Variants in CUL9 observed in about 807,000 individuals in gnomAD.
CUL9 encodes cullin-9.
In CUL9, 79 loss-of-function variants were observed where a neutral mutation model predicts 272.6. The observed-to-expected ratio is 0.29, with a 90% CI of 0.24 to 0.35. The LOEUF (loss-of-function observed/expected upper bound fraction) is 0.35, where lower values mean the gene tolerates loss of function less well. Ranked by LOEUF, CUL9 falls within the 10% of genes least tolerant of loss-of-function variation. CUL9 has a pLI of 1.00. For missense variants in CUL9, 2,532 were observed against 3,255.6 expected, an observed-to-expected ratio of 0.78 and a Z score of 5.41; for synonymous variants, 1,186 against 1,286.5, an observed-to-expected ratio of 0.92 and a Z score of 1.67.
At chr6:43,185,379 A>G in intron 2 of CUL9, 77 bp from the exon 3 acceptor site, 1 of 1,491,214 alleles carries the variant, frequency 6.7e-7, no homozygotes, top group Non-Finnish European at 9.2e-7. Context: ...CGTCTGGGGT[A>G]GGAGATAGAA....
At position 43,221,230 on chromosome 6, in the gene CUL9, G is replaced by T. The variant is rs778262990; in HGVS notation, c.6661G>T (p.Val2221Leu). ...DDGGYYDGMS[V>L]EAQSKHLAKL... ...CGGTGGCTACTATGACGGCATGAGC[G>T]TGGAGGCGCAGAGCAAGCACCTGGC... The change falls in exon 34 of 41, where the codon GTG becomes TTG. Residue 2221 changes from valine to leucine, a missense_variant. Val to Leu is a conservative substitution (Grantham distance 32). This residue lies in a region of CUL9 where 77 missense variants were observed against 161.1 expected (regional missense o/e 0.48). Transcript: ENST00000252050. This position sits in a 1 kb window ranked among gnomAD's most constrained non-coding sequence, Gnocchi z 4.2. The T allele has an allele frequency of 2.5e-6, 4 of 1,611,868 alleles. No individual in the cohort carries two copies. Among genetic ancestry groups the T allele is most frequent in the Non-Finnish European group, 8.5e-7 (1 of 1,179,972 alleles).
chr6:43,204,426 G>A lies in CUL9; in HGVS notation c.4226G>A (p.Arg1409Gln), dbSNP rs756545969. ...DQYLEQRETS[R>Q]NPLSRAASFA... ...TACTTAGAACAGAGAGAGACCTCTC[G>A]GAACCCCTTGAGTCGAGCAGCGTCC... is the stretch of plus-strand genomic sequence containing the variant. The change falls in exon 21 of 41, where the codon CGG becomes CAG. Residue 1409 changes from arginine to glutamine, a missense_variant. By Grantham distance (43) the Arg-to-Gln change is conservative. Around this residue, in one of 3 missense-constraint regions of CUL9, gnomAD observed 2,218 missense variants for 2,788.6 expected, o/e 0.80. Transcript: ENST00000252050. The A allele has an allele frequency of 1.5e-5, 25 of 1,614,032 alleles. No individual in the cohort carries two copies. In the East Asian group the frequency reaches 3.1e-4, roughly 20 times the overall value.
rs191863662 is a variant in CUL9, at chr6:43,221,389, G to A, written c.6752+68G>A. On this transcript the variant is annotated intron_variant, in intron 34 of 40. Coordinates refer to ENST00000252050, the MANE Select transcript of CUL9 (RefSeq NM_015089.4). The surrounding 1 kb of genome is among the most constrained non-coding windows in gnomAD (Gnocchi z 4.2). Reference sequence around the variant, plus strand: ...GGGAGGAGGCCTGGCAGAAGGAGGGGGGAACGGGCTTAGTGTAAAGCTCAG... The same window carrying A: ...GGGAGGAGGCCTGGCAGAAGGAGGGAGGAACGGGCTTAGTGTAAAGCTCAG... 680 of 1,211,282 alleles carry A rather than the reference G, an allele frequency of 5.6e-4. 7 individuals carry two copies. The African/African-American group carries it at 8.9e-3, about 16-fold the overall frequency. The allele number at this position is 1,211,282 out of a possible 1,614,324, so 75.0% of individuals were successfully genotyped here. A position where few individuals can be genotyped will look rare whatever the true frequency, so the allele number is the denominator to read the frequency against.
At position 43,222,622 on chromosome 6, in the gene CUL9, G is replaced by C. The variant is rs776345731; in HGVS notation, c.7013G>C (p.Gly2338Ala). Reference sequence around the variant, plus strand: ...ACCTTCCTCAATGATGCCTGCCAGGGACTGGAGCAGGCTCGGAAGGTGGTA... The same window carrying C: ...ACCTTCCTCAATGATGCCTGCCAGGCACTGGAGCAGGCTCGGAAGGTGGTA... ...SFTFLNDACQGLEQARKVLAY... is the reference protein window; with the variant it reads ...SFTFLNDACQALEQARKVLAY... Residue 2338 changes from glycine (G) to alanine (A), a missense_variant, in exon 37 of 41, where the codon GGA becomes GCA. By Grantham distance (60) the Gly-to-Ala change is moderately conservative. Coordinates refer to ENST00000252050, the MANE Select transcript of CUL9 (RefSeq NM_015089.4). 8 of 1,612,568 alleles carry C rather than the reference G, an allele frequency of 5.0e-6. No individual in the cohort carries two copies. In the Admixed American group the frequency reaches 1.3e-4, roughly 27 times the overall value.
Position 43,213,895 on chromosome 6 carries a change from G to C in CUL9, c.5671G>C (p.Asp1891His). 6.2e-7 allele frequency: 1 copy of C among 1,614,076 alleles called. No individual in the cohort carries two copies. Among genetic ancestry groups the C allele is most frequent in the South Asian group, 1.1e-5 (1 of 91,084 alleles). Residue 1891 changes from aspartate (D) to histidine (H), a missense_variant, in exon 29 of 41, where the codon GAT becomes CAT. By Grantham distance (81) the Asp-to-His change is moderately conservative. Around this residue, in one of 3 missense-constraint regions of CUL9, gnomAD observed 2,218 missense variants for 2,788.6 expected, o/e 0.80. Transcript: ENST00000252050. The surrounding 1 kb of genome is among the most constrained non-coding windows in gnomAD (Gnocchi z 5.7). Reference protein sequence around the residue: ...KAHGEKGLHIDQLVCLVLEAW... With the variant: ...KAHGEKGLHIHQLVCLVLEAW... ...CCATGGGGAAAAGGGCCTCCACATT[G>C]ATCAGCTGGTTTGTCTGGTAGGCAG...
At position 43,184,494 on chromosome 6, in the gene CUL9, C is replaced by T. The variant is rs1476047687; in HGVS notation, c.184C>T (p.His62Tyr). The T allele has an allele frequency of 1.4e-5, 23 of 1,612,804 alleles. No homozygotes were observed. Among genetic ancestry groups the T allele is most frequent in the African/African-American group, 2.7e-5 (2 of 74,908 alleles). The change falls in exon 2 of 41, where the codon CAC becomes TAC. Residue 62 changes from histidine to tyrosine, a missense_variant. Physicochemically the swap from His to Tyr is moderately conservative, Grantham distance 83. Around this residue, in one of 3 missense-constraint regions of CUL9, gnomAD observed 2,218 missense variants for 2,788.6 expected, o/e 0.80. Coordinates refer to ENST00000252050, the MANE Select transcript of CUL9 (RefSeq NM_015089.4). The surrounding 1 kb of genome is among the most constrained non-coding windows in gnomAD (Gnocchi z 4.8). ...GGGTGTGGAAGAAGGCAAAGCAGAG[C>T]ACATCCTCATGTGGCTGTCGGCTCC... ...KVGVEEGKAE[H>Y]ILMWLSAPEV... is the part of the protein sequence containing the mutation.
At chr6:43,189,875 A>G (rs1674902827) in intron 8 of CUL9, among the ~76,000 whole-genome samples, 1 of 152,238 alleles carries the variant, frequency 6.6e-6, no homozygotes, top group Non-Finnish European at 1.5e-5. Context: ...AAAAGGACAT[A>G]GGAGGGCCAA....
At position 43,224,442 on chromosome 6, in the gene CUL9, C is replaced by T. The variant is rs773788964; in HGVS notation, c.7551C>T (p.Asp2517=). 6.2e-6 allele frequency: 10 copies of T among 1,612,796 alleles called. No individual in the cohort carries two copies. Among genetic ancestry groups the T allele is most frequent in the Non-Finnish European group, 8.5e-6 (10 of 1,179,422 alleles). The change falls in exon 41 of 41, where the codon GAC becomes GAT. Residue 2517 remains aspartate, a synonymous_variant. Transcript: ENST00000252050. This position sits in a 1 kb window ranked among gnomAD's most constrained non-coding sequence, Gnocchi z 4.2. The part of the protein sequence containing the change: ...DEEEDEDEAY[D] The stretch of plus-strand genomic sequence containing the variant: ...AAGAGGATGAAGATGAGGCCTATGA[C>T]TGAGGGGGCAGATGCAGGAAACACC...
Position 43,202,717 on chromosome 6 carries a change from C to A in CUL9, c.3649C>A (p.Gln1217Lys). 3 of 1,613,892 alleles carry A rather than the reference C, an allele frequency of 1.9e-6. No homozygotes were observed. Among genetic ancestry groups the A allele is most frequent in the Non-Finnish European group, 1.7e-6 (2 of 1,179,800 alleles). Residue 1217 changes from glutamine to lysine, a missense_variant and splice_region_variant, in exon 17 of 41, where the codon CAG becomes AAG. Physicochemically the swap from Gln to Lys is moderately conservative, Grantham distance 53 (BLOSUM62 1). Coordinates refer to ENST00000252050, the MANE Select transcript of CUL9 (RefSeq NM_015089.4). ...LHMHRGVLVR[Q>K]LTLLVASEDS... ...ACTGTTTCCTTTCTTCTTTCCCAGGCAGCTCACTTTGCTGGTGGCCAGTGA... is the reference window on the plus strand; with the variant it reads ...ACTGTTTCCTTTCTTCTTTCCCAGGAAGCTCACTTTGCTGGTGGCCAGTGA...
chr6:43,199,311 C>G lies in CUL9; in HGVS notation c.3096C>G (p.Pro1032=). 2.5e-6 allele frequency: 4 copies of G among 1,613,680 alleles called. No homozygotes were observed. The South Asian group carries it at 3.3e-5, about 13-fold the overall frequency. The change falls in exon 13 of 41, where the codon CCC becomes CCG. Residue 1032 remains proline (P), a synonymous_variant. Transcript: ENST00000252050. This position sits in a 1 kb window ranked among gnomAD's most constrained non-coding sequence, Gnocchi z 4.4. ...LLDFPEAMVL[P]WHEVLEPCLN... ...ATTTCCCTGAGGCAATGGTCCTCCC[C>G]TGGCACGAGGTCTTGGAGCCCTGCC...
intron 16 of CUL9, among the ~76,000 whole-genome samples, chr6:43,201,086 A>T (rs867223911): frequency 6.6e-6 from 1 of 152,348 alleles, no homozygotes; most frequent in South Asian, 2.1e-4. Context: ...GGAGATAAAC[A>T]GCTCACTTAT....
chr6:43,213,412 C>A lies in CUL9; in HGVS notation c.5359-26C>A. ...CCTCTTCCTTTTCTTTCCTTTGACT[C>A]CTGACTGGGCGTTTCTGCTCATCAG... On this transcript the variant is annotated intron_variant, in intron 27 of 40. Transcript: ENST00000252050. The surrounding 1 kb of genome is among the most constrained non-coding windows in gnomAD (Gnocchi z 5.7). 6.2e-7 allele frequency: 1 copy of A among 1,613,272 alleles called. No homozygotes were observed.
At position 43,200,445 on chromosome 6, in the gene CUL9, G is replaced by T. The variant is rs1247406331; in HGVS notation, c.3394G>T (p.Gly1132Cys). The T allele has an allele frequency of 6.2e-7, 1 of 1,613,858 alleles. No homozygotes were observed. Residue 1132 changes from glycine to cysteine, a missense_variant, in exon 15 of 41, where the codon GGC (glycine) becomes TGC (cysteine). Gly to Cys is a radical substitution (Grantham distance 159). This residue lies in a region of CUL9 where 2,218 missense variants were observed against 2,788.6 expected (regional missense o/e 0.80). Coordinates refer to ENST00000252050, the MANE Select transcript of CUL9 (RefSeq NM_015089.4). The surrounding 1 kb of genome is among the most constrained non-coding windows in gnomAD (Gnocchi z 4.0). Reference sequence around the variant, plus strand: ...GATGTTCCGGCTGCAGATGGTGCTGGGCCAGATCGAAGACCACAGACGAAC... The same window carrying T: ...GATGTTCCGGCTGCAGATGGTGCTGTGCCAGATCGAAGACCACAGACGAAC... ...ILAGCIQMVL[G>C]QIEDHRRTHQ...
Position 43,200,132 on chromosome 6 carries a change from C to T in CUL9, c.3360C>T (p.Ser1120=). ...CACAGCTCTATAGCAACCTCACCTC[C>T]AGCATCCTGGCCGGCTGCATTCAGG... The part of the protein sequence containing the change: ...KYAQLYSNLT[S]SILAGCIQMV... The change falls in exon 14 of 41, where the codon TCC becomes TCT. Residue 1120 remains serine, a synonymous_variant. Coordinates refer to ENST00000252050, the MANE Select transcript of CUL9 (RefSeq NM_015089.4). The surrounding 1 kb of genome is among the most constrained non-coding windows in gnomAD (Gnocchi z 4.0). 6.2e-7 allele frequency: 1 copy of T among 1,614,156 alleles called. No individual in the cohort carries two copies. The highest frequency in any genetic ancestry group is 8.5e-7 in the Non-Finnish European group (1 of 1,180,006).
At chr6:43,198,927 CTTTTCTGTTTTCT>C in intron 12 of CUL9, 72 bp downstream of exon 12, 2 of 1,472,170 alleles carry the variant, frequency 1.4e-6, no homozygotes, top group South Asian at 1.3e-5. Context: ...TCACTTGTTT[CTTTTCTGTTTTCT>C]TTTTTTTTTT....
In CUL9 at chr6:43,224,513, C is replaced by T; in HGVS notation, c.*68C>T. 1 of 1,460,018 alleles carries T rather than the reference C, an allele frequency of 6.8e-7. No homozygotes were observed. Among genetic ancestry groups the T allele is most frequent in the East Asian group, 2.3e-5 (1 of 43,324 alleles). 90.4% of individuals were successfully genotyped at this position (1,460,018 alleles called of 1,614,324 possible). A position where few individuals can be genotyped will look rare whatever the true frequency, so the allele number is the denominator to read the frequency against. ...GGGGCTGAGGGGGCGGGAGCTGCCC[C>T]TGTCATAGGGAGGGGGATTCCCAGC... On this transcript the variant is annotated 3_prime_UTR_variant, in exon 41 of 41. Transcript: ENST00000252050. The surrounding 1 kb of genome is among the most constrained non-coding windows in gnomAD (Gnocchi z 4.2).
chr6:43,193,728 CG>C (rs1290766564), intron 9 of CUL9, among the ~76,000 whole-genome samples: 1 of 151,898 alleles, frequency 6.6e-6, no homozygotes, highest in East Asian at 1.9e-4. Flanking sequence ...GAATGACTCC[CG>C]GGTGTAAAAT....
In CUL9 at chr6:43,224,481, G is replaced by A; in HGVS notation, c.*36G>A. The A allele has an allele frequency of 6.3e-7, 1 of 1,586,208 alleles. No individual in the cohort carries two copies. Among genetic ancestry groups the A allele is most frequent in the Non-Finnish European group, 8.6e-7 (1 of 1,162,528 alleles). ...GCAGGAAACACCTAGAGCAGCCCCA[G>A]AGTCACGGGGCTGAGGGGGCGGGAG... On this transcript the variant is annotated 3_prime_UTR_variant, in exon 41 of 41. Transcript: ENST00000252050. The surrounding 1 kb of genome is among the most constrained non-coding windows in gnomAD (Gnocchi z 4.2).
rs2150546283 is a variant in CUL9, at chr6:43,193,028, G to A, written c.2208G>A (p.Glu736=). 1 of 1,614,136 alleles carries A rather than the reference G, an allele frequency of 6.2e-7. No individual in the cohort carries two copies. The highest frequency in any genetic ancestry group is 1.7e-5 in the Admixed American group (1 of 60,022). ...LREKLVKMLV[E]LLTNQVGEKM... ...AGAAGCTAGTGAAGATGCTGGTGGA[G>A]CTGCTGACCAACCAGGTGGGAGAGA... Residue 736 remains glutamate (E), a synonymous_variant, in exon 9 of 41, where the codon GAG becomes GAA. Transcript: ENST00000252050.
Sources: gnomAD v4.1 joint callset for allele counts (sites outside exome capture counted in the v4.1 genomes callset) on GRCh38, gnomAD v4.1.1 for gene constraint, gnomAD v4.1.1 regional missense constraint, Gnocchi (gnomAD v3.1) non-coding constraint, MANE v1.5 for transcripts, NCBI Gene and HGNC (gene_info 2026-07-23, HGNC 2026-07-21) for gene names.